Variants in CDK14 observed in about 807,000 individuals in gnomAD.
The protein encoded by CDK14 is cyclin-dependent kinase 14.
CDK14 carries 34 observed loss-of-function variants against 60.7 expected under a neutral mutation model. The ratio of observed to expected loss-of-function variants is 0.56; its 90% CI spans 0.43 to 0.75. CDK14 has a LOEUF of 0.75. Among genes scored for constraint, CDK14 ranks in the 30% least tolerant of loss-of-function variants. The probability of loss-of-function intolerance (pLI) is 0.00; values close to 1 mark genes in which losing one functional copy is unlikely to be tolerated. For missense variants in CDK14, 482 were observed against 564.1 expected, an observed-to-expected ratio of 0.85 and a Z score of 1.47; for synonymous variants, 197 against 203.7, an observed-to-expected ratio of 0.97 and a Z score of 0.28.
chr7:90,654,082 G>A (rs569048779), intron 2 of CDK14, among the ~76,000 whole-genome samples: 46 of 152,326 alleles, frequency 3.0e-4, no homozygotes, highest in African/African-American at 9.9e-4. Context: ...GGACATTTGG[G>A]TTGGTTCCAA....
At chr7:90,631,563 T>C (rs1276465735) in intron 2 of CDK14, among the ~76,000 whole-genome samples, 5 of 152,208 alleles carry the variant, frequency 3.3e-5, no homozygotes, top group African/African-American at 1.2e-4. Flanking sequence ...TATCTGTTTC[T>C]TAGTGATTAA....
At chr7:90,833,635 T>A (rs1789989788) in intron 5 of CDK14, among the ~76,000 whole-genome samples, 1 of 152,240 alleles carries the variant, frequency 6.6e-6, no homozygotes, top group Non-Finnish European at 1.5e-5. Flanking sequence ...ATGTGGTTGG[T>A]ATCCTTGATT....
intron 5 of CDK14, among the ~76,000 whole-genome samples, chr7:90,844,999 A>T (rs1453268926): frequency 6.6e-6 from 1 of 152,178 alleles, no homozygotes; most frequent in African/African-American, 2.4e-5. Context: ...AGAGAGAGAG[A>T]AACTTTTTCT....
intron 4 of CDK14, among the ~76,000 whole-genome samples, chr7:90,759,764 A>G (rs1336209065): frequency 6.6e-6 from 1 of 152,092 alleles, no homozygotes; most frequent in Non-Finnish European, 1.5e-5. Flanking sequence ...ATTTTCTCAG[A>G]CTTCACATGC....
chr7:90,807,494 G>A (rs1221913314), intron 5 of CDK14, among the ~76,000 whole-genome samples: 1 of 152,174 alleles, frequency 6.6e-6, no homozygotes, highest in African/African-American at 2.4e-5. Context: ...ACCAAAGGTA[G>A]ATAAAACCAC....
At chr7:91,199,870 A>G (rs1227597083) in intron 14 of CDK14, among the ~76,000 whole-genome samples, 1 of 152,186 alleles carries the variant, frequency 6.6e-6, no homozygotes, top group African/African-American at 2.4e-5. Flanking sequence ...AAGCCTGACT[A>G]TCTCTGCATT....
chr7:91,148,347 T>C (rs973574337), intron 14 of CDK14, among the ~76,000 whole-genome samples: 8 of 128,538 alleles, frequency 6.2e-5, no homozygotes, highest in Non-Finnish European at 1.2e-4. Context: ...CATTCCAGCC[T>C]GGGCAATCAA....
At chr7:91,158,925 A>G (rs777581989) in intron 14 of CDK14, among the ~76,000 whole-genome samples, 47 of 152,152 alleles carry the variant, frequency 3.1e-4, no homozygotes, top group Non-Finnish European at 6.3e-4. Flanking sequence ...ATGTGCTTTT[A>G]CCAGAAGGAA....
chr7:90,797,783 TAAAC>T (rs979841792), intron 5 of CDK14, among the ~76,000 whole-genome samples: 7 of 151,794 alleles, frequency 4.6e-5, no homozygotes, highest in Admixed American at 2.6e-4. Context: ...TATACACTCT[TAAAC>T]AACCAGATTT....
chr7:90,620,561 A>G (rs1280277058), intron 2 of CDK14, among the ~76,000 whole-genome samples: 1 of 152,062 alleles, frequency 6.6e-6, no homozygotes, highest in Non-Finnish European at 1.5e-5. Flanking sequence ...CCTTTTCCTT[A>G]TCTGTACAAC....
At chr7:91,059,435 GC>G (rs1182153737) in intron 11 of CDK14, among the ~76,000 whole-genome samples, 5 of 151,986 alleles carry the variant, frequency 3.3e-5, no homozygotes, top group Admixed American at 2.0e-4. Flanking sequence ...GTTATTTCTT[GC>G]CTTCTGCTAG....
intron 14 of CDK14, among the ~76,000 whole-genome samples, chr7:91,182,472 G>C (rs1802034909): frequency 6.6e-6 from 1 of 151,780 alleles, no homozygotes; most frequent in African/African-American, 2.4e-5. Context: ...TTTATTCAAA[G>C]AAGTCTACCT....
intron 2 of CDK14, among the ~76,000 whole-genome samples, chr7:90,673,212 A>G (rs1176172353): frequency 6.6e-6 from 1 of 152,174 alleles, no homozygotes; most frequent in Non-Finnish European, 1.5e-5. Context: ...GTAGGGCTCT[A>G]TGGCAGTGTT....
chr7:90,730,536 A>G (rs1327889579), intron 3 of CDK14, among the ~76,000 whole-genome samples: 1 of 152,172 alleles, frequency 6.6e-6, no homozygotes. Context: ...TGATGTTTCA[A>G]TGATCATCAT....
At chr7:90,614,648 G>A (rs1799612743) in intron 2 of CDK14, among the ~76,000 whole-genome samples, 1 of 151,586 alleles carries the variant, frequency 6.6e-6, no homozygotes, top group South Asian at 2.1e-4. Flanking sequence ...GCATCTCATT[G>A]TATTGCCCAG....
chr7:90,713,863 C>T (rs1046683434), intron 2 of CDK14, among the ~76,000 whole-genome samples: 3 of 151,952 alleles, frequency 2.0e-5, no homozygotes, highest in Non-Finnish European at 4.4e-5. Flanking sequence ...TCATGTGTGC[C>T]TCAATGTAAC....
intron 14 of CDK14, among the ~76,000 whole-genome samples, chr7:91,183,719 C>T (rs1802077858): frequency 6.6e-6 from 1 of 152,174 alleles, no homozygotes; most frequent in African/African-American, 2.4e-5. Flanking sequence ...AGTCTAAGCT[C>T]CTCTGTTTTA....
intron 2 of CDK14, among the ~76,000 whole-genome samples, chr7:90,677,839 A>C (rs144206688): frequency 6.6e-6 from 1 of 152,118 alleles, no homozygotes; most frequent in Non-Finnish European, 1.5e-5. Flanking sequence ...AAGTGTTACA[A>C]TTGTCAGGTC....
chr7:91,052,263 C>T (rs564407204), intron 11 of CDK14, among the ~76,000 whole-genome samples: 8 of 152,320 alleles, frequency 5.3e-5, no homozygotes, highest in African/African-American at 1.4e-4. Context: ...ACTTCCCTAA[C>T]ATTAGTGTCA....
Sources: allele counts gnomAD v4.1 joint callset (sites outside exome capture counted in the v4.1 genomes callset), GRCh38; gene constraint gnomAD v4.1.1; transcripts MANE v1.5; gene names NCBI Gene and HGNC (gene_info 2026-07-23, HGNC 2026-07-21).